Variants in AATK observed in about 807,000 individuals in gnomAD.
AATK encodes the protein lemur tail kinase 1, also known as serine/threonine-protein kinase LMTK1.
A neutral mutation model predicts 114.3 loss-of-function variants in AATK; 91 were observed. The observed-to-expected ratio is 0.80, with a 90% CI of 0.67 to 0.95. AATK has a LOEUF of 0.95. AATK is among the 40% of genes least tolerant of loss of function. The pLI is 0.00. For synonymous variants in AATK, 1,075 were observed against 916.5 expected (o/e 1.17, Z -3.12); for missense variants, 2,176 against 1,965.2 (o/e 1.11, Z -2.03).
In AATK at chr17:81,119,492, C is replaced by G. The variant is rs771563675; in HGVS notation, c.3972G>C (p.Pro1324=). 2 of 1,519,932 alleles carry G rather than the reference C, an allele frequency of 1.3e-6. No homozygotes were observed. The highest frequency in any genetic ancestry group is 2.5e-5 in the South Asian group (2 of 78,862). 94.2% of individuals were successfully genotyped at this position (1,519,932 alleles called of 1,614,324 possible). The change falls in exon 13 of 14, where the codon CCG becomes CCC. Residue 1324 remains proline, a synonymous_variant. Transcript: ENST00000326724. ...AMALDPAAPA[P]AAPTPTPAPF... ...GAGCGGGCGTGGGCGTGGGCGCAGC[C>G]GGGGCGGGTGCGGCCGGGTCTAGGG... is the stretch of plus-strand genomic sequence containing the variant.
At position 81,131,213 on chromosome 17, in the gene AATK, C is replaced by T. The variant is rs1460010221; in HGVS notation, c.190-8G>A. 1.3e-6 allele frequency: 2 copies of T among 1,567,176 alleles called. No individual in the cohort carries two copies. Among genetic ancestry groups the T allele is most frequent in the Non-Finnish European group, 1.7e-6 (2 of 1,160,648 alleles). Reference sequence around the variant, plus strand: ...CTCCGCATTCTCAAACTCCTGCGGGCCGGGCCGGGCATGAGCGGGGCTTCT... The same window carrying T: ...CTCCGCATTCTCAAACTCCTGCGGGTCGGGCCGGGCATGAGCGGGGCTTCT... On this transcript the variant is annotated splice_region_variant and splice_polypyrimidine_tract_variant and intron_variant, in intron 2 of 13. Transcript: ENST00000326724.
chr17:81,137,118 T>C lies in AATK; in HGVS notation c.56-2617A>G, dbSNP rs185890891. ...ACTAAAAATAAAAAAATTAGCTGGGTGTGGTGGCACAAGCCTGTAATCCAA... is the reference window on the plus strand; with the variant it reads ...ACTAAAAATAAAAAAATTAGCTGGGCGTGGTGGCACAAGCCTGTAATCCAA... On this transcript the variant is annotated intron_variant, in intron 1 of 13. Coordinates refer to ENST00000326724, the MANE Select transcript of AATK (RefSeq NM_001080395.3). Among the ~76,000 whole-genome samples the C allele has an allele frequency of 5.8e-3, 889 of 151,968 alleles. 13 individuals are homozygous for C. The highest frequency in any genetic ancestry group is 0.02 in the African/African-American group (825 of 41,438).
At chr17:81,142,269 TTTTTC>T (rs955425309) in intron 1 of AATK, among the ~76,000 whole-genome samples, 4 of 148,132 alleles carry the variant, frequency 2.7e-5, no homozygotes, top group Non-Finnish European at 3.0e-5. Flanking sequence ...TTTTTTTTCT[TTTTTC>T]TTTTCTTTTT....
In AATK at chr17:81,120,237, G is replaced by A. The variant is rs1216182453; in HGVS notation, c.3699C>T (p.Ser1233=). ...GGTAGACGGTGACGTCGTCGAAGAAGGACACGGCCTTCTTCTTGCGTTCCA... is the reference window on the plus strand; with the variant it reads ...GGTAGACGGTGACGTCGTCGAAGAAAGACACGGCCTTCTTCTTGCGTTCCA... ...EDLERKKKAV[S]FFDDVTVYLF... Residue 1233 remains serine (S), a synonymous_variant, in exon 11 of 14, where the codon TCC becomes TCT. Transcript: ENST00000326724. 4 of 1,592,696 alleles carry A rather than the reference G, an allele frequency of 2.5e-6. No individual in the cohort carries two copies. The highest frequency in any genetic ancestry group is 3.4e-5 in the Admixed American group (2 of 59,290).
intron 13 of AATK, 114 bp downstream of exon 13, chr17:81,119,266 C>CGGGGCCGGGAA (rs1568215980): frequency 4.9e-4 from 565 of 1,143,294 alleles, no homozygotes; most frequent in African/African-American, 2.0e-3. Context: ...AGGAGCGGAG[C>CGGGGCCGGGAA]GGAGCGGAGC....
At chr17:81,151,573 C>G (rs1447293536) in intron 1 of AATK, among the ~76,000 whole-genome samples, 2 of 152,124 alleles carry the variant, frequency 1.3e-5, no homozygotes, top group Non-Finnish European at 2.9e-5. Flanking sequence ...CCCAGCCTCC[C>G]AGGACAAAGG....
Position 81,121,390 on chromosome 17 carries a change from C to G in AATK, c.2546G>C (p.Ser849Thr). The change falls in exon 11 of 14, where the codon AGC becomes ACC. Residue 849 changes from serine to threonine, a missense_variant. Physicochemically the swap from Ser to Thr is moderately conservative, Grantham distance 58. Transcript: ENST00000326724. Reference protein sequence around the residue: ...KLASALNGSSSSPEVEAPSSE... With the variant: ...KLASALNGSSTSPEVEAPSSE... ...GCTGGGTGCCTCCACCTCGGGAGAGCTGCTGCTGCCATTCAGGGCAGAAGC... is the reference window on the plus strand; with the variant it reads ...GCTGGGTGCCTCCACCTCGGGAGAGGTGCTGCTGCCATTCAGGGCAGAAGC... 2 of 1,609,186 alleles carry G rather than the reference C, an allele frequency of 1.2e-6. No homozygotes were observed. The highest frequency in any genetic ancestry group is 2.2e-5 in the South Asian group (2 of 90,526).
At chr17:81,155,395 TATTA>T (rs769972449) in intron 1 of AATK, among the ~76,000 whole-genome samples, 1 of 134,340 alleles carries the variant, frequency 7.4e-6, no homozygotes, top group African/African-American at 3.3e-5. Flanking sequence ...TTATTATTAT[TATTA>T]TTTTTTGAGA....
intron 1 of AATK, among the ~76,000 whole-genome samples, chr17:81,139,444 CTTTG>C (rs2061089273): frequency 6.7e-6 from 1 of 149,780 alleles, no homozygotes; most frequent in African/African-American, 2.4e-5. Context: ...TTGCACACGG[CTTTG>C]TTTCTGAAAC....
chr17:81,154,320 T>TTC (rs2061335230), intron 1 of AATK, among the ~76,000 whole-genome samples: 1 of 15,020 alleles, frequency 6.7e-5, no homozygotes, highest in African/African-American at 2.2e-4. Flanking sequence ...TTTTTCTTTC[T>TTC]TTTTTTTTTT....
intron 3 of AATK, 171 bp from the exon 4 acceptor site, chr17:81,128,720 G>A (rs920219454): frequency 2.8e-6 from 4 of 1,427,344 alleles, no homozygotes; most frequent in Admixed American, 5.3e-5. Flanking sequence ...TCTCTTGAGA[G>A]CAGGGGCCGC....
intron 13 of AATK, 134 bp downstream of exon 13, chr17:81,119,239 AAGGAGCG>A: frequency 4.7e-6 from 1 of 215,002 alleles, no homozygotes; most frequent in Admixed American, 1.2e-4. Context: ...TGGGGCCGGG[AAGGAGCG>A]GGGCCGGGAA....
chr17:81,157,440 C>A (rs2061380541), intron 1 of AATK, among the ~76,000 whole-genome samples: 1 of 152,186 alleles, frequency 6.6e-6, no homozygotes, highest in African/African-American at 2.4e-5. Flanking sequence ...GGCATCCGGC[C>A]CTCCCCCAGT....
chr17:81,145,228 C>T (rs1483710902), intron 1 of AATK, among the ~76,000 whole-genome samples: 2 of 130,018 alleles, frequency 1.5e-5, no homozygotes, highest in African/African-American at 2.9e-5. Flanking sequence ...TAGAGTGAGA[C>T]TCCATCAAAA....
chr17:81,124,141 G>A (rs1372257305), intron 9 of AATK, among the ~76,000 whole-genome samples: 2 of 151,278 alleles, frequency 1.3e-5, no homozygotes, highest in Non-Finnish European at 2.9e-5. Context: ...AGAAGCAGAA[G>A]GCGGCCAGAC....
In AATK at chr17:81,122,593, G is replaced by C; in HGVS notation, c.1343C>G (p.Pro448Arg). 5.6e-6 allele frequency: 8 copies of C among 1,440,132 alleles called. No individual in the cohort carries two copies. Among genetic ancestry groups the C allele is most frequent in the Non-Finnish European group, 7.4e-6 (8 of 1,087,502 alleles). The allele number at this position is 1,440,132 out of a possible 1,614,324, so 89.2% of individuals were successfully genotyped here. A position where few individuals can be genotyped will look rare whatever the true frequency, so the allele number is the denominator to read the frequency against. Reference sequence around the variant, plus strand: ...GTCGCCCGCGAACTGCTCCAGCAGCGGGAAGGACGAGGCAGCGGCGAGCTC... The same window carrying C: ...GTCGCCCGCGAACTGCTCCAGCAGCCGGAAGGACGAGGCAGCGGCGAGCTC... ...VVELAAASSF[P>R]LLEQFAGDGF... The change falls in exon 11 of 14, where the codon CCG becomes CGG. Residue 448 changes from proline (P) to arginine (R), a missense_variant. Transcript: ENST00000326724.
intron 1 of AATK, among the ~76,000 whole-genome samples, chr17:81,138,291 A>G (rs1001275457): frequency 1.4e-5 from 2 of 143,764 alleles, no homozygotes; most frequent in African/African-American, 5.1e-5. Context: ...ACCCACCCAC[A>G]CATGTGCACA....
At chr17:81,144,312 A>AGTT (rs1348263292) in intron 1 of AATK, among the ~76,000 whole-genome samples, 1 of 152,230 alleles carries the variant, frequency 6.6e-6, no homozygotes, top group Non-Finnish European at 1.5e-5. Context: ...CTGGGGGTAA[A>AGTT]GGTCAAGGCC....
chr17:81,141,210 G>A (rs956356368), intron 1 of AATK, among the ~76,000 whole-genome samples: 1 of 152,194 alleles, frequency 6.6e-6, no homozygotes, highest in Admixed American at 6.5e-5. Context: ...CACCACTTGG[G>A]AGGCCAAGAT....
Sources: allele counts gnomAD v4.1 joint callset (sites outside exome capture counted in the v4.1 genomes callset), GRCh38; gene constraint gnomAD v4.1.1; transcripts MANE v1.5; gene names NCBI Gene and HGNC (gene_info 2026-07-23, HGNC 2026-07-21).